Variants in PDE8B observed in about 807,000 individuals in gnomAD.
The protein encoded by PDE8B is phosphodiesterase 8B.
PDE8B carries 26 observed loss-of-function variants against 101.3 expected under a neutral mutation model. That is an observed-to-expected ratio of 0.26 (90% confidence interval 0.19 to 0.36). PDE8B has a LOEUF of 0.36. Ranked by LOEUF, PDE8B falls within the 10% of genes least tolerant of loss-of-function variation. PDE8B has a pLI of 1.00. For missense variants in PDE8B, 810 were observed against 1,163.1 expected (o/e 0.70, Z 4.42); for synonymous variants, 424 against 429.3 (o/e 0.99, Z 0.15).
At chr5:77,192,458 C>T in the PDE8B span, among the ~76,000 whole-genome samples, 1 of 152,068 alleles carries the variant, frequency 6.6e-6, no homozygotes, top group Admixed American at 6.5e-5. Context: ...CTTGTTTCAC[C>T]CAGTATAAGG....
At chr5:77,292,096 A>G (rs1480749929) in intron 1 of PDE8B, among the ~76,000 whole-genome samples, 4 of 151,622 alleles carry the variant, frequency 2.6e-5, no homozygotes, top group African/African-American at 7.3e-5. Flanking sequence ...GTAATCTTCC[A>G]TTTACCAAGA....
chr5:77,242,026 T>C (rs1430343210), intron 1 of PDE8B, among the ~76,000 whole-genome samples: 2 of 152,294 alleles, frequency 1.3e-5, no homozygotes, highest in African/African-American at 2.4e-5. Context: ...TCCTGTAAAA[T>C]ATCCAGAGCT....
At chr5:77,415,346 C>G (rs989070767) in intron 17 of PDE8B, among the ~76,000 whole-genome samples, 71 of 142,120 alleles carry the variant, frequency 5.0e-4, no homozygotes, top group Admixed American at 2.3e-4. Flanking sequence ...TTGTGATAAG[C>G]TAAAATTTTT....
chr5:77,273,153 C>G (rs1430297556), intron 1 of PDE8B, among the ~76,000 whole-genome samples: 1 of 152,182 alleles, frequency 6.6e-6, no homozygotes, highest in Non-Finnish European at 1.5e-5. Flanking sequence ...TAGTGTGTCT[C>G]TGTGCTGCAC....
the PDE8B span, among the ~76,000 whole-genome samples, chr5:77,160,408 C>G: frequency 6.6e-6 from 1 of 152,110 alleles, no homozygotes; most frequent in Non-Finnish European, 1.5e-5. Context: ...TTTCGCATCC[C>G]ATGAATACTG....
chr5:77,093,358 AG>A, the PDE8B span, among the ~76,000 whole-genome samples: 1 of 152,158 alleles, frequency 6.6e-6, no homozygotes, highest in Non-Finnish European at 1.5e-5. Flanking sequence ...ACATGATCTA[AG>A]GTGTTGGTAT....
chr5:77,156,593 A>G, the PDE8B span, among the ~76,000 whole-genome samples: 1 of 152,152 alleles, frequency 6.6e-6, no homozygotes, highest in South Asian at 2.1e-4. Context: ...ACCCTGTGGA[A>G]CTCCACAATC....
At chr5:77,348,465 G>A (rs750367001) in intron 7 of PDE8B, among the ~76,000 whole-genome samples, 7 of 152,082 alleles carry the variant, frequency 4.6e-5, no homozygotes, top group South Asian at 2.1e-4. Context: ...AGAATCTGCC[G>A]AGGGGAGCTT....
chr5:77,255,414 T>C lies in PDE8B; in HGVS notation c.339+44150T>C, dbSNP rs539011695. 2.6e-5 allele frequency among the ~76,000 whole-genome samples: 4 copies of C among 152,336 alleles called. No individual in the cohort carries two copies. The East Asian group carries it at 7.7e-4, about 29-fold the overall frequency. ...GAAGGGCCTCTCACCTGGGGTTTAATGCTTGGCAGTCACTGTCTTAAAATC... is the reference window on the plus strand; with the variant it reads ...GAAGGGCCTCTCACCTGGGGTTTAACGCTTGGCAGTCACTGTCTTAAAATC... On this transcript the variant is annotated intron_variant, in intron 1 of 21. Coordinates refer to ENST00000264917, the MANE Select transcript of PDE8B (RefSeq NM_003719.5).
At chr5:77,152,179 C>T in the PDE8B span, 7 of 152,260 alleles carry the variant, frequency 4.6e-5, no homozygotes, top group East Asian at 9.6e-4. Flanking sequence ...AATTCAGATC[C>T]GTTTGGCCTC....
At chr5:77,389,500 G>A (rs575959023) in intron 10 of PDE8B, among the ~76,000 whole-genome samples, 63 of 152,294 alleles carry the variant, frequency 4.1e-4, no homozygotes, top group African/African-American at 1.4e-3. Flanking sequence ...AGCTGCAGAC[G>A]GGAGCTGTTC....
chr5:77,127,011 A>C, the PDE8B span, among the ~76,000 whole-genome samples: 6,633 of 152,180 alleles, frequency 0.044, 513 homozygotes, highest in African/African-American at 0.15. Context: ...TTGCCAGGAC[A>C]CTGAGTTTTC....
At chr5:77,115,745 C>T in the PDE8B span, among the ~76,000 whole-genome samples, 2 of 152,206 alleles carry the variant, frequency 1.3e-5, no homozygotes, top group African/African-American at 4.8e-5. Context: ...CACGAGTCGG[C>T]CGTTGCCATT....
At chr5:77,313,570 T>A (rs1378272399) in intron 2 of PDE8B, among the ~76,000 whole-genome samples, 2 of 152,226 alleles carry the variant, frequency 1.3e-5, no homozygotes, top group Non-Finnish European at 2.9e-5. Flanking sequence ...TCATTTACCT[T>A]CATTTTTGTC....
chr5:77,240,140 C>A (rs1755452960), intron 1 of PDE8B, among the ~76,000 whole-genome samples: 1 of 151,260 alleles, frequency 6.6e-6, no homozygotes, highest in Non-Finnish European at 1.5e-5. Context: ...TTTGAAAGGG[C>A]AATTTAAATT....
chr5:77,278,154 G>T (rs572250695), intron 1 of PDE8B, among the ~76,000 whole-genome samples: 1 of 152,088 alleles, frequency 6.6e-6, no homozygotes, highest in African/African-American at 2.4e-5. Context: ...CCGAGTTCAC[G>T]TTCAAGTTTA....
At chr5:77,382,470 T>C (rs1046059674) in intron 10 of PDE8B, among the ~76,000 whole-genome samples, 3 of 152,194 alleles carry the variant, frequency 2.0e-5, no homozygotes, top group African/African-American at 7.2e-5. Context: ...CTGGGGTACA[T>C]GTGCAGAATG....
chr5:77,404,680 G>A (rs778953204), intron 11 of PDE8B, 40 bp from the exon 12 acceptor site: 3 of 1,193,634 alleles, frequency 2.5e-6, no homozygotes, highest in African/African-American at 3.0e-5. Flanking sequence ...TGAATACACG[G>A]AAAACTAATC....
intron 1 of PDE8B, among the ~76,000 whole-genome samples, chr5:77,229,774 G>T (rs1046184170): frequency 6.6e-6 from 1 of 152,168 alleles, no homozygotes; most frequent in South Asian, 2.1e-4. Flanking sequence ...TCAGTACTGC[G>T]TTCCTCTTGA....
Sources: allele counts gnomAD v4.1 joint callset (sites outside exome capture counted in the v4.1 genomes callset), GRCh38; gene constraint gnomAD v4.1.1; transcripts MANE v1.5; gene names NCBI Gene and HGNC (gene_info 2026-07-23, HGNC 2026-07-21).